Variants in TMEM229B observed in about 807,000 individuals in gnomAD.
TMEM229B encodes the protein chromosome 14 open reading frame 83.
In TMEM229B, 6 loss-of-function variants were observed where a neutral mutation model predicts 13.7. The observed-to-expected ratio is 0.44, with a 90% CI of 0.24 to 0.86. TMEM229B has a LOEUF of 0.86. Ranked by LOEUF, TMEM229B falls within the 40% of genes least tolerant of loss-of-function variation. The pLI, the probability that TMEM229B is intolerant of heterozygous loss-of-function variation, is 0.23. For synonymous variants in TMEM229B, 107 were observed against 102.1 expected (o/e 1.05, Z -0.29); for missense variants, 170 against 236.0 (o/e 0.72, Z 1.83).
At chr14:67,495,230 C>G (rs910169729) in intron 1 of TMEM229B, among the ~76,000 whole-genome samples, 7 of 152,128 alleles carry the variant, frequency 4.6e-5, no homozygotes, top group African/African-American at 1.7e-4. Flanking sequence ...TTCCGCCTGC[C>G]AAATCCCTCC....
At chr14:67,488,319 T>G (rs1049120784) in intron 1 of TMEM229B, among the ~76,000 whole-genome samples, 189 bp downstream of exon 1, 1 of 152,154 alleles carries the variant, frequency 6.6e-6, no homozygotes, top group African/African-American at 2.4e-5. Flanking sequence ...CGAGGAGAAG[T>G]GAAAGGGCAG....
chr14:67,499,092 T>G (rs902749957), intron 1 of TMEM229B, among the ~76,000 whole-genome samples: 2 of 152,114 alleles, frequency 1.3e-5, no homozygotes, highest in Non-Finnish European at 2.9e-5. Context: ...AAACTCAAAC[T>G]CCTGGGTTCA....
intron 1 of TMEM229B, among the ~76,000 whole-genome samples, chr14:67,508,216 A>G (rs1301543718): frequency 6.6e-6 from 1 of 151,040 alleles, no homozygotes; most frequent in African/African-American, 2.4e-5. Flanking sequence ...TTTGTTCCTT[A>G]GCTTCCAGTT....
chr14:67,489,319 G>A (rs978666989), upstream of TMEM229B, among the ~76,000 whole-genome samples: 13 of 152,124 alleles, frequency 8.5e-5, no homozygotes, highest in East Asian at 3.9e-4. Context: ...ATGTGCCTTC[G>A]AACTGCTTCC....
chr14:67,477,704 C>T lies in TMEM229B; in HGVS notation c.-18-3763G>A, dbSNP rs532561111. On this transcript the variant is annotated intron_variant, in intron 2 of 2. Transcript: ENST00000554480. ...CTTTGGGAGGCAGAGGCAGAAGGATCGCTCGAGCCCAGAACTCTTGAATTC... is the reference window on the plus strand; with the variant it reads ...CTTTGGGAGGCAGAGGCAGAAGGATTGCTCGAGCCCAGAACTCTTGAATTC... Among the ~76,000 whole-genome samples, 21 of 152,260 alleles carry T rather than the reference C, an allele frequency of 1.4e-4. 1 individual carries two copies. In the South Asian group the frequency reaches 2.7e-3, roughly 20 times the overall value.
At chr14:67,513,136 T>A (rs2033082580) in intron 1 of TMEM229B, among the ~76,000 whole-genome samples, 1 of 152,186 alleles carries the variant, frequency 6.6e-6, no homozygotes, top group South Asian at 2.1e-4. Flanking sequence ...CAATTTCCCA[T>A]CTTAAGGTCA....
At chr14:67,522,664 G>A (rs893441022) in intron 1 of TMEM229B, among the ~76,000 whole-genome samples, 1 of 152,184 alleles carries the variant, frequency 6.6e-6, no homozygotes, top group African/African-American at 2.4e-5. Flanking sequence ...TCACAGCTAG[G>A]TCCTGGGTTG....
chr14:67,478,377 C>T (rs116337465), intron 2 of TMEM229B, among the ~76,000 whole-genome samples: 1,846 of 152,344 alleles, frequency 0.012, 34 homozygotes, highest in African/African-American at 0.04. Flanking sequence ...GGATCCATCC[C>T]CTCCTCTTCA....
At chr14:67,500,706 A>G (rs2032572753) in intron 1 of TMEM229B, among the ~76,000 whole-genome samples, 1 of 150,122 alleles carries the variant, frequency 6.7e-6, no homozygotes, top group South Asian at 2.1e-4. Context: ...CGAGTAGCTG[A>G]GACTACAGGC....
chr14:67,496,514 C>T (rs1594700918), intron 1 of TMEM229B, among the ~76,000 whole-genome samples: 1 of 143,700 alleles, frequency 7.0e-6, no homozygotes, highest in Admixed American at 7.5e-5. Flanking sequence ...ATAGGGTGTG[C>T]GATGACTCTT....
chr14:67,501,686 G>C (rs1015167921), intron 1 of TMEM229B, among the ~76,000 whole-genome samples: 9 of 152,332 alleles, frequency 5.9e-5, no homozygotes, highest in Admixed American at 5.2e-4. Context: ...TCCTGCTCCA[G>C]TGCCAAAGGC....
intron 1 of TMEM229B, among the ~76,000 whole-genome samples, chr14:67,497,845 A>C (rs1033930316): frequency 4.0e-5 from 6 of 151,776 alleles, no homozygotes; most frequent in Non-Finnish European, 8.8e-5. Flanking sequence ...TGTGTATGTT[A>C]CATTCTCGGT....
intron 1 of TMEM229B, among the ~76,000 whole-genome samples, chr14:67,502,223 C>T (rs568519632): frequency 7.9e-4 from 120 of 151,668 alleles, no homozygotes; most frequent in East Asian, 2.6e-3. Flanking sequence ...CCCAGCTACT[C>T]GGGAGGCTGA....
At chr14:67,521,755 G>A (rs1364569439) in intron 1 of TMEM229B, among the ~76,000 whole-genome samples, 1 of 152,128 alleles carries the variant, frequency 6.6e-6, no homozygotes. Context: ...ATTAAGAGAG[G>A]AAAAGACCAA....
rs111653189 is a variant in TMEM229B at position 67,497,272 on chromosome 14, A to T, written c.-191-10100T>A. Among the ~76,000 whole-genome samples, 85 of 152,122 alleles carry T rather than the reference A, an allele frequency of 5.6e-4. 1 individual carries two copies. The highest frequency in any genetic ancestry group is 1.8e-3 in the African/African-American group (76 of 41,430). ...TCCGTCCCGAGGTTAGGCCAGATGC[A>T]TGTGTCATGGTCATCCCCTTTACAG... On this transcript the variant is annotated intron_variant, in intron 1 of 2. Transcript: ENST00000357461.
rs182899159 is a variant in TMEM229B, at chr14:67,473,098, G to C, written c.*322C>G. ...CCCATTCTCATTGTCCCTTGGCCAGGACAGGGCCTGCTGCTTCCAAAGTCA... is the reference window on the plus strand; with the variant it reads ...CCCATTCTCATTGTCCCTTGGCCAGCACAGGGCCTGCTGCTTCCAAAGTCA... On this transcript the variant is annotated 3_prime_UTR_variant, in exon 3 of 3. Transcript: ENST00000554480. The surrounding 1 kb of genome is among the most constrained non-coding windows in gnomAD (Gnocchi z 6.5). 887 of 343,668 alleles carry C rather than the reference G, an allele frequency of 2.6e-3. 1 individual carries two copies. The highest frequency in any genetic ancestry group is 4.3e-3 in the Non-Finnish European group (784 of 182,532). 21.3% of individuals were successfully genotyped at this position (343,668 alleles called of 1,614,324 possible).
At chr14:67,514,334 G>T (rs2033126936) in intron 1 of TMEM229B, among the ~76,000 whole-genome samples, 1 of 152,170 alleles carries the variant, frequency 6.6e-6, no homozygotes, top group Non-Finnish European at 1.5e-5. Flanking sequence ...AAGATACCTG[G>T]GAAAGAGGCC....
chr14:67,514,624 G>C (rs1185280210), intron 1 of TMEM229B, among the ~76,000 whole-genome samples: 1 of 152,028 alleles, frequency 6.6e-6, no homozygotes, highest in African/African-American at 2.4e-5. Context: ...GAGGGTCCTT[G>C]GTTTCCACTC....
At chr14:67,477,828 G>A (rs1489684381) in intron 2 of TMEM229B, among the ~76,000 whole-genome samples, 2 of 152,024 alleles carry the variant, frequency 1.3e-5, no homozygotes, top group African/African-American at 4.8e-5. Flanking sequence ...TCTCTCCTAA[G>A]ACCCCCACCC....
Sources: allele counts gnomAD v4.1 joint callset (sites outside exome capture counted in the v4.1 genomes callset), GRCh38; gene constraint gnomAD v4.1.1; non-coding constraint Gnocchi (gnomAD v3.1); transcripts MANE v1.5; gene names NCBI Gene and HGNC (gene_info 2026-07-23, HGNC 2026-07-21).